Variants in FGF14 observed in about 807,000 individuals in gnomAD.
FGF14 encodes the protein fibroblast growth factor homologous factor 4.
FGF14 carries 5 observed loss-of-function variants against 25.5 expected under a neutral mutation model. The observed-to-expected ratio is 0.20, with a 90% CI of 0.10 to 0.41. The LOEUF is 0.41. Ranked by LOEUF, FGF14 falls within the 10% of genes least tolerant of loss-of-function variation. The pLI is 1.00. For missense variants in FGF14, 222 were observed against 320.1 expected, an observed-to-expected ratio of 0.69 and a Z score of 2.34; for synonymous variants, 138 against 118.3, an observed-to-expected ratio of 1.17 and a Z score of -1.08.
chr13:102,160,308 A>C (rs1161723829), intron 1 of FGF14, among the ~76,000 whole-genome samples: 1 of 151,782 alleles, frequency 6.6e-6, no homozygotes, highest in Non-Finnish European at 1.5e-5. Flanking sequence ...CCCAGGGACA[A>C]CCCCCTAGAT....
intron 3 of FGF14, among the ~76,000 whole-genome samples, chr13:101,771,384 T>C (rs548004489): frequency 2.0e-5 from 3 of 152,126 alleles, no homozygotes; most frequent in African/African-American, 4.8e-5. Flanking sequence ...CACCCAAGTA[T>C]TGACCTGAGA....
Position 102,088,522 on chromosome 13 carries a change from T to C in FGF14, c.209-213226A>G, listed in dbSNP as rs1172411107. Among the ~76,000 whole-genome samples, 3 of 152,150 alleles carry C rather than the reference T, an allele frequency of 2.0e-5. No individual in the cohort carries two copies. In the East Asian group the frequency reaches 5.8e-4, roughly 29 times the overall value. On this transcript the variant is annotated intron_variant, in intron 1 of 4. Coordinates refer to the FGF14 transcript ENST00000376131. The stretch of plus-strand genomic sequence containing the variant: ...TTTTATTCATCAAGATATGGAGTAA[T>C]ATTTAGGTCAAAAATACCACATTTT...
At chr13:102,124,678 G>A (rs1164190252) in intron 1 of FGF14, among the ~76,000 whole-genome samples, 1 of 152,028 alleles carries the variant, frequency 6.6e-6, no homozygotes, top group Non-Finnish European at 1.5e-5. Flanking sequence ...AGGAGCAGGA[G>A]GGCCAGCACA....
At chr13:101,791,986 C>A (rs2040262335) in intron 3 of FGF14, among the ~76,000 whole-genome samples, 1 of 152,090 alleles carries the variant, frequency 6.6e-6, no homozygotes, top group South Asian at 2.1e-4. Flanking sequence ...ACCCAATGAA[C>A]ATAAATAGAA....
intron 1 of FGF14, among the ~76,000 whole-genome samples, chr13:102,123,463 A>G (rs532960463): frequency 4.8e-4 from 73 of 152,316 alleles, no homozygotes; most frequent in African/African-American, 1.6e-3. Flanking sequence ...AGGCAGATTA[A>G]GTAAAAATTG....
chr13:102,056,263 C>G (rs191048222), intron 1 of FGF14, among the ~76,000 whole-genome samples: 80 of 152,348 alleles, frequency 5.3e-4, no homozygotes, highest in Non-Finnish European at 9.8e-4. Flanking sequence ...CAGCCATTGA[C>G]ACAGCCTATA....
chr13:102,335,009 T>C (rs2056750432), intron 1 of FGF14, among the ~76,000 whole-genome samples: 1 of 152,166 alleles, frequency 6.6e-6, no homozygotes, highest in African/African-American at 2.4e-5. Flanking sequence ...TCACATCTTC[T>C]GCTTTTTTCC....
chr13:101,883,998 G>A (rs900284961), intron 1 of FGF14, among the ~76,000 whole-genome samples: 21 of 140,380 alleles, frequency 1.5e-4, no homozygotes, highest in African/African-American at 5.5e-4. Flanking sequence ...GGGAGGCGGA[G>A]GTTGCAGTGA....
chr13:102,232,677 A>G (rs1229011083), intron 1 of FGF14, among the ~76,000 whole-genome samples: 1 of 152,222 alleles, frequency 6.6e-6, no homozygotes, highest in Non-Finnish European at 1.5e-5. Flanking sequence ...TGTATATTTT[A>G]ACATATATTT....
chr13:101,735,267 A>G (rs2036102166), intron 3 of FGF14, among the ~76,000 whole-genome samples: 1 of 152,224 alleles, frequency 6.6e-6, no homozygotes. Flanking sequence ...TTCATTATAC[A>G]GTTGATAACT....
At chr13:102,164,196 T>C (rs1407805428) in intron 1 of FGF14, among the ~76,000 whole-genome samples, 1 of 152,156 alleles carries the variant, frequency 6.6e-6, no homozygotes, top group Non-Finnish European at 1.5e-5. Flanking sequence ...AATAAATCTT[T>C]CTCTTTGTAT....
intron 1 of FGF14, among the ~76,000 whole-genome samples, chr13:102,079,838 T>C (rs1225984914): frequency 6.6e-6 from 1 of 152,132 alleles, no homozygotes; most frequent in African/African-American, 2.4e-5. Flanking sequence ...GGAAAAAGCC[T>C]CATTATGAAG....
chr13:102,112,158 C>T (rs548626396), intron 1 of FGF14, among the ~76,000 whole-genome samples: 34 of 152,276 alleles, frequency 2.2e-4, no homozygotes, highest in Non-Finnish European at 4.6e-4. Context: ...AAACTCTGAG[C>T]GAGGTATTAT....
At chr13:102,292,598 T>C (rs527425995) in intron 1 of FGF14, 2 of 152,314 alleles carry the variant, frequency 1.3e-5, no homozygotes, top group East Asian at 1.9e-4. Flanking sequence ...GGTAAGCCTT[T>C]GCAATTCCCA....
intron 3 of FGF14, among the ~76,000 whole-genome samples, chr13:101,732,444 A>C (rs773031823): frequency 6.6e-6 from 1 of 152,212 alleles, no homozygotes; most frequent in African/African-American, 2.4e-5. Context: ...ATACATGATA[A>C]ATAATAGCTA....
intron 1 of FGF14, among the ~76,000 whole-genome samples, chr13:101,962,454 T>A (rs116998610): frequency 0.028 from 4,333 of 152,290 alleles, 102 homozygotes; most frequent in Non-Finnish European, 0.041. Flanking sequence ...TTTGATATAA[T>A]ATTAGGAAAT....
chr13:101,959,923 A>C (rs11839966), intron 1 of FGF14, among the ~76,000 whole-genome samples: 33,124 of 152,194 alleles, frequency 0.22, 3,884 homozygotes, highest in Admixed American at 0.34. Context: ...GATGAAGTCT[A>C]AAACTGCTCA....
At chr13:102,114,962 A>G (rs186956277) in intron 1 of FGF14, among the ~76,000 whole-genome samples, 286 of 152,326 alleles carry the variant, frequency 1.9e-3, no homozygotes, top group Non-Finnish European at 3.4e-3. Context: ...AGTTAAGAGC[A>G]TATTACATGC....
At chr13:101,917,706 C>T (rs151298782), upstream of FGF14, among the ~76,000 whole-genome samples, 651 of 152,244 alleles carry the variant, frequency 4.3e-3, 3 homozygotes, top group South Asian at 7.7e-3. Flanking sequence ...AGGACCCTCC[C>T]TTCTGCTGCA....
Sources: gnomAD v4.1 joint callset for allele counts (sites outside exome capture counted in the v4.1 genomes callset) on GRCh38, gnomAD v4.1.1 for gene constraint, MANE v1.5 for transcripts, NCBI Gene and HGNC (gene_info 2026-07-23, HGNC 2026-07-21) for gene names.